RIMOC1: variants seen among roughly 807,000 people sequenced by gnomAD.
RIMOC1 encodes RAB7A-interacting MON1-CCZ1 complex subunit 1.
chr5:41,907,832 T>G, the RIMOC1 span: 1 of 1,600,010 alleles, frequency 6.2e-7, no homozygotes, highest in Non-Finnish European at 8.5e-7. Context: ...CTTCTAGAAC[T>G]TTACACACAG....
chr5:41,919,969 A>G, the RIMOC1 span: 1 of 152,324 alleles, frequency 6.6e-6, no homozygotes, highest in South Asian at 2.1e-4. Flanking sequence ...TTAATGAGGC[A>G]TGATTCTAAA....
chr5:41,912,617 A>G, the RIMOC1 span, among the ~76,000 whole-genome samples: 4 of 152,220 alleles, frequency 2.6e-5, no homozygotes, highest in Admixed American at 6.5e-5. Flanking sequence ...CAGGTGAGAC[A>G]GAGCATGTGT....
chr5:41,912,115 G>T, the RIMOC1 span: 1 of 1,612,002 alleles, frequency 6.2e-7, no homozygotes, highest in East Asian at 2.2e-5. Context: ...CTAAATTATC[G>T]ATGTCCTATC....
the RIMOC1 span, chr5:41,918,635 T>C: frequency 2.8e-3 from 2,755 of 985,390 alleles, 4 homozygotes; most frequent in Non-Finnish European, 3.2e-3. Context: ...TACAAGTGTC[T>C]CACTTCAGCC....
At chr5:41,910,299 T>C in the RIMOC1 span, among the ~76,000 whole-genome samples, 3 of 151,990 alleles carry the variant, frequency 2.0e-5, no homozygotes, top group Non-Finnish European at 2.9e-5. Context: ...CCCTGCATGC[T>C]TCTTTTCCAC....
At chr5:41,915,986 T>C in the RIMOC1 span, among the ~76,000 whole-genome samples, 1 of 152,232 alleles carries the variant, frequency 6.6e-6, no homozygotes, top group Non-Finnish European at 1.5e-5. Context: ...ATTTTGAAAG[T>C]TGAATTTTTC....
At chr5:41,918,450 C>T in the RIMOC1 span, 1 of 985,480 alleles carries the variant, frequency 1.0e-6, no homozygotes, top group Non-Finnish European at 1.2e-6. Context: ...CTTCCCTATC[C>T]ACCCTCAGCT....
the RIMOC1 span, chr5:41,917,882 ACTTCC>A: frequency 7.6e-5 from 61 of 799,032 alleles, 1 homozygote; most frequent in African/African-American, 9.5e-4. Context: ...TAAAATTTCT[ACTTCC>A]CTTAGGCATT....
At chr5:41,917,004 T>C in the RIMOC1 span, 2 of 1,576,172 alleles carry the variant, frequency 1.3e-6, no homozygotes, top group Non-Finnish European at 1.7e-6. Flanking sequence ...TCAACCTAAA[T>C]GACTTTCCCA....
the RIMOC1 span, chr5:41,904,601 T>C: frequency 1.3e-6 from 1 of 775,262 alleles, no homozygotes; most frequent in African/African-American, 1.7e-5. Context: ...CCGAGGTCTG[T>C]CGCTTCTGAG....
chr5:41,910,240 T>C, the RIMOC1 span, among the ~76,000 whole-genome samples: 2 of 152,032 alleles, frequency 1.3e-5, no homozygotes, highest in African/African-American at 4.8e-5. Context: ...CCTTATTCTC[T>C]CGAACATTTG....
the RIMOC1 span, chr5:41,909,914 A>G: frequency 6.5e-7 from 1 of 1,540,674 alleles, no homozygotes; most frequent in South Asian, 1.2e-5. Flanking sequence ...ATTCCTGTTA[A>G]TTATGATGGA....
At chr5:41,910,967 G>A in the RIMOC1 span, 9 of 1,497,960 alleles carry the variant, frequency 6.0e-6, no homozygotes, top group African/African-American at 1.4e-5. Flanking sequence ...GTTTTTAATC[G>A]ATGAGTTTTT....
chr5:41,904,352 C>G, the RIMOC1 span: 2 of 1,612,538 alleles, frequency 1.2e-6, no homozygotes, highest in African/African-American at 1.3e-5. Flanking sequence ...CCGGGGCGCA[C>G]CCGCCGATTG....
chr5:41,906,378 G>A, the RIMOC1 span, among the ~76,000 whole-genome samples: 1 of 152,062 alleles, frequency 6.6e-6, no homozygotes, highest in Non-Finnish European at 1.5e-5. Flanking sequence ...CAAAGTGTGA[G>A]TTATGCCACC....
chr5:41,916,808 T>C, the RIMOC1 span, among the ~76,000 whole-genome samples: 1 of 152,200 alleles, frequency 6.6e-6, no homozygotes, highest in Non-Finnish European at 1.5e-5. Flanking sequence ...TTTCTTTTTG[T>C]AATGGGCCTC....
chr5:41,909,646 TG>T, the RIMOC1 span: 1 of 687,866 alleles, frequency 1.5e-6, no homozygotes, highest in Non-Finnish European at 2.2e-6. Flanking sequence ...AAGATTTAAA[TG>T]TGTAATAAAG....
the RIMOC1 span, chr5:41,920,454 T>C: frequency 6.6e-6 from 1 of 152,322 alleles, no homozygotes; most frequent in South Asian, 2.1e-4. Context: ...TGCCAGATTT[T>C]ATCCTAGACC....
At chr5:41,916,976 G>A in the RIMOC1 span, 2 of 1,496,136 alleles carry the variant, frequency 1.3e-6, no homozygotes, top group South Asian at 2.7e-5. Flanking sequence ...TTCTTTTTAA[G>A]CTTTTAATTC....
Sources: gnomAD v4.1 joint callset for allele counts (sites outside exome capture counted in the v4.1 genomes callset) on GRCh38, gnomAD v4.1.1 for gene constraint, MANE v1.5 for transcripts, NCBI Gene and HGNC (gene_info 2026-07-23, HGNC 2026-07-21) for gene names.